Variants in RNFT2 observed in about 807,000 individuals in gnomAD.
RNFT2 encodes the protein ring finger protein, transmembrane 2.
A neutral mutation model predicts 53.0 loss-of-function variants in RNFT2; 36 were observed. That is an observed-to-expected ratio of 0.68 (90% CI 0.52 to 0.90). The LOEUF (loss-of-function observed/expected upper bound fraction) is 0.90, where lower values mean the gene tolerates loss of function less well. Among genes scored for constraint, RNFT2 ranks in the 40% least tolerant of loss-of-function variants. RNFT2 has a pLI of 0.00. For synonymous variants in RNFT2, 260 were observed against 253.2 expected (o/e 1.03, Z -0.26); for missense variants, 514 against 585.6 (o/e 0.88, Z 1.26).
intron 8 of RNFT2, 123 bp from the exon 9 acceptor site, chr12:116,835,837 G>T: frequency 1.1e-6 from 1 of 907,070 alleles, no homozygotes. Flanking sequence ...AATGAGAAGA[G>T]GAGCCCTAAA....
chr12:116,743,413 C>A (rs138901309), intron 3 of RNFT2, among the ~76,000 whole-genome samples: 1 of 151,524 alleles, frequency 6.6e-6, no homozygotes, highest in Non-Finnish European at 1.5e-5. Flanking sequence ...ACCATAGGCA[C>A]GCACCACCAC....
Position 116,750,210 on chromosome 12 carries a change from C to G in RNFT2, c.453C>G (p.Pro151=), listed in dbSNP as rs565880896. ...ACGAGCAGCCTGGGACGCCCGCCCC[C>G]GCCCTGTCCGAGCTGAAGGCTGTGA... ...GGDEQPGTPA[P]ALSELKAVIC... is the part of the protein sequence containing the mutation. Residue 151 remains proline, a synonymous_variant, in exon 4 of 11, where the codon CCC becomes CCG. Transcript: ENST00000257575. 8.7e-6 allele frequency: 14 copies of G among 1,605,086 alleles called. No individual in the cohort carries two copies. In the East Asian group the frequency reaches 1.6e-4, roughly 18 times the overall value.
Position 116,770,263 on chromosome 12 carries a change from C to T in RNFT2, c.728+3349C>T, listed in dbSNP as rs77279671. Reference sequence around the variant, plus strand: ...ACTGTGCCCTTTCTGTTTAGATATACAGATACCATTGTGTTATAATTGTCT... The same window carrying T: ...ACTGTGCCCTTTCTGTTTAGATATATAGATACCATTGTGTTATAATTGTCT... On this transcript the variant is annotated intron_variant, in intron 6 of 10. Transcript: ENST00000257575. Among the ~76,000 whole-genome samples, 776 of 152,272 alleles carry T rather than the reference C, an allele frequency of 5.1e-3. 2 individuals carry two copies. The highest frequency in any genetic ancestry group is 0.018 in the African/African-American group (728 of 41,544).
intron 7 of RNFT2, among the ~76,000 whole-genome samples, chr12:116,815,811 A>G (rs887787889): frequency 6.6e-6 from 1 of 152,112 alleles, no homozygotes; most frequent in Non-Finnish European, 1.5e-5. Context: ...TAACGAGGAA[A>G]CTGAGGCCCA....
At chr12:116,805,500 C>T (rs927266774) in intron 7 of RNFT2, among the ~76,000 whole-genome samples, 44 of 151,964 alleles carry the variant, frequency 2.9e-4, no homozygotes, top group African/African-American at 1.0e-3. Context: ...TTTGACACAG[C>T]GTCTCTCTCT....
chr12:116,767,054 T>TA (rs1872948721), intron 6 of RNFT2, 140 bp downstream of exon 6: 1 of 593,478 alleles, frequency 1.7e-6, no homozygotes. Context: ...TGTTACTACT[T>TA]ATATATATCT....
chr12:116,808,665 G>A (rs1278182786), intron 7 of RNFT2, among the ~76,000 whole-genome samples: 1 of 152,236 alleles, frequency 6.6e-6, no homozygotes, highest in Non-Finnish European at 1.5e-5. Flanking sequence ...GACAATGGAA[G>A]ACAAGGCTTG....
At chr12:116,760,002 C>T (rs1312544990) in intron 5 of RNFT2, among the ~76,000 whole-genome samples, 1 of 152,100 alleles carries the variant, frequency 6.6e-6, no homozygotes, top group Non-Finnish European at 1.5e-5. Context: ...GCGTTTCTGA[C>T]CTCTCACTCT....
chr12:116,745,087 C>T lies in RNFT2; in HGVS notation c.83+3993C>T, dbSNP rs191251286. ...TATCCAGAGCCCAGTGGAGGAGGAG[C>T]GCATATTTCCTGGGCTTTTGGAGCC... On this transcript the variant is annotated intron_variant, in intron 3 of 10. Transcript: ENST00000257575. 2.2e-4 allele frequency among the ~76,000 whole-genome samples: 33 copies of T among 151,382 alleles called. No individual in the cohort carries two copies. In the East Asian group the frequency reaches 5.7e-3, roughly 26 times the overall value.
chr12:116,738,909 TA>T (rs1160713708), intron 1 of RNFT2, among the ~76,000 whole-genome samples: 1 of 152,178 alleles, frequency 6.6e-6, no homozygotes, highest in Admixed American at 6.5e-5. Context: ...AGAGGAGGAT[TA>T]AGTTGAGATT....
At chr12:116,803,640 G>T (rs1874909921) in intron 7 of RNFT2, among the ~76,000 whole-genome samples, 1 of 152,222 alleles carries the variant, frequency 6.6e-6, no homozygotes, top group Non-Finnish European at 1.5e-5. Context: ...GTGGAGGTTG[G>T]CCAAGGTGCT....
intron 5 of RNFT2, chr12:116,755,662 A>C: frequency 7.0e-7 from 1 of 1,426,734 alleles, no homozygotes; most frequent in Non-Finnish European, 9.8e-7. Flanking sequence ...CAATGCCAAC[A>C]GCATGCTGGG....
chr12:116,760,695 C>G (rs1015637224), intron 5 of RNFT2, among the ~76,000 whole-genome samples: 3 of 152,116 alleles, frequency 2.0e-5, no homozygotes, highest in Non-Finnish European at 2.9e-5. Context: ...GGGGGGCTCT[C>G]CTGGGTCCTG....
chr12:116,823,633 G>A (rs1024533701), intron 7 of RNFT2, among the ~76,000 whole-genome samples: 3 of 152,110 alleles, frequency 2.0e-5, no homozygotes, highest in Admixed American at 6.5e-5. Flanking sequence ...GCAGTGAGCC[G>A]AAATTGCACC....
chr12:116,745,173 A>AT (rs10637816), intron 3 of RNFT2, among the ~76,000 whole-genome samples: 10,980 of 125,020 alleles, frequency 0.088, 709 homozygotes, highest in Middle Eastern at 0.11. Flanking sequence ...ATTGCACCAG[A>AT]TTTTTTTTTT....
rs139305837 is a variant in RNFT2, at chr12:116,806,367, C to CAAAA, written c.882+27031_882+27034dup. Among the ~76,000 whole-genome samples, 441 of 113,858 alleles carry CAAAA rather than the reference C, an allele frequency of 3.9e-3. 2 individuals are homozygous for CAAAA. Among genetic ancestry groups the CAAAA allele is most frequent in the African/African-American group, 0.014 (357 of 25,764 alleles). The allele number at this position is 113,858 out of a possible 152,430, so 74.7% of individuals were successfully genotyped here. Reference sequence around the variant, plus strand: ...CCTGGGTAACAGAGTGAGACTGTCTCAAAAAAAAAAAAAAATATATATATA... The same window carrying CAAAA: ...CCTGGGTAACAGAGTGAGACTGTCTCAAAAAAAAAAAAAAAAAAATATATATATA... On this transcript the variant is annotated intron_variant, in intron 7 of 10. Coordinates refer to ENST00000257575, the MANE Select transcript of RNFT2 (RefSeq NM_001382266.1).
At chr12:116,772,914 C>T (rs1465673178) in intron 6 of RNFT2, among the ~76,000 whole-genome samples, 2 of 152,150 alleles carry the variant, frequency 1.3e-5, no homozygotes, top group African/African-American at 2.4e-5. Flanking sequence ...CTGTAACCTC[C>T]GTCTCCTGGG....
intron 5 of RNFT2, among the ~76,000 whole-genome samples, chr12:116,763,321 C>T (rs1407094799): frequency 6.6e-6 from 1 of 152,124 alleles, no homozygotes; most frequent in Non-Finnish European, 1.5e-5. Context: ...AACCACAATG[C>T]AGTACCACCT....
intron 7 of RNFT2, among the ~76,000 whole-genome samples, chr12:116,800,131 C>T (rs1182613923): frequency 6.6e-6 from 1 of 152,174 alleles, no homozygotes; most frequent in Non-Finnish European, 1.5e-5. Context: ...AGAGGCCGAG[C>T]ATATGCAGGT....
Sources: allele counts gnomAD v4.1 joint callset (sites outside exome capture counted in the v4.1 genomes callset), GRCh38; gene constraint gnomAD v4.1.1; transcripts MANE v1.5; gene names NCBI Gene and HGNC (gene_info 2026-07-23, HGNC 2026-07-21).